NSD2: variants seen among roughly 807,000 people sequenced by gnomAD.
The protein encoded by NSD2 is nuclear receptor binding SET domain protein 2.
NSD2 carries 12 observed loss-of-function variants against 139.0 expected under a neutral mutation model. The observed-to-expected ratio is 0.09, with a 90% CI of 0.06 to 0.14. The LOEUF (loss-of-function observed/expected upper bound fraction) is 0.14, where lower values mean the gene tolerates loss of function less well. NSD2 is among the 10% of genes least tolerant of loss of function. NSD2 has a pLI of 1.00. For missense variants in NSD2, 1,155 were observed against 1,745.0 expected (o/e 0.66, Z 6.02); for synonymous variants, 669 against 648.7 (o/e 1.03, Z -0.48).
chr4:1,946,849 A>T (rs757502678), intron 9 of NSD2: 2 of 1,057,926 alleles, frequency 1.9e-6, no homozygotes, highest in Non-Finnish European at 2.3e-6. Context: ...GACAGGCCTC[A>T]TCTTTTTGGT....
chr4:1,975,841 C>T (rs1727017489), intron 20 of NSD2, among the ~76,000 whole-genome samples: 1 of 152,204 alleles, frequency 6.6e-6, no homozygotes, highest in South Asian at 2.1e-4. Flanking sequence ...TGACTTAGCG[C>T]CTGCCCTGCT....
intron 3 of NSD2, among the ~76,000 whole-genome samples, chr4:1,911,200 T>A (rs1718610351): frequency 1.3e-5 from 2 of 152,196 alleles, no homozygotes; most frequent in South Asian, 4.1e-4. Flanking sequence ...CCAGGACTGT[T>A]AGTAGAAGCC....
At position 1,948,379 on chromosome 4, in the gene NSD2, C is replaced by T. The variant is rs527484574; in HGVS notation, c.1882-2693C>T. On this transcript the variant is annotated intron_variant, in intron 9 of 21. Transcript: ENST00000508803. This position sits in a 1 kb window ranked among gnomAD's most constrained non-coding sequence, Gnocchi z 4.5. Reference sequence around the variant, plus strand: ...CGTACAGGTGAATGTGCCACCTCCACAAATGGCTTCTCCGAGTGAGTCACG... The same window carrying T: ...CGTACAGGTGAATGTGCCACCTCCATAAATGGCTTCTCCGAGTGAGTCACG... The T allele has an allele frequency of 1.5e-5, 16 of 1,066,332 alleles. No homozygotes were observed. The highest frequency in any genetic ancestry group is 1.8e-5 in the Non-Finnish European group (16 of 878,962). 66.1% of individuals were successfully genotyped at this position (1,066,332 alleles called of 1,614,324 possible). A position where few individuals can be genotyped will look rare whatever the true frequency, so the allele number is the denominator to read the frequency against.
rs1247770794 is a variant in NSD2 at position 1,972,687 on chromosome 4, A to G, written c.3373-2176A>G. 1.3e-5 allele frequency among the ~76,000 whole-genome samples: 2 copies of G among 152,220 alleles called. No individual in the cohort carries two copies. The highest frequency in any genetic ancestry group is 1.5e-5 in the Non-Finnish European group (1 of 68,046). On this transcript the variant is annotated intron_variant, in intron 18 of 21. Coordinates refer to ENST00000508803, the MANE Select transcript of NSD2 (RefSeq NM_001042424.3). The surrounding 1 kb of genome is among the most constrained non-coding windows in gnomAD (Gnocchi z 4.0). ...GCTAGGAGTGGGGGAGATGCATTTT[A>G]TAATCTGTGTGGTGGGAAAAGCTGC...
intron 1 of NSD2, among the ~76,000 whole-genome samples, chr4:1,895,931 GA>G (rs1378911866): frequency 6.6e-6 from 1 of 152,232 alleles, no homozygotes; most frequent in African/African-American, 2.4e-5. Context: ...AGGTGATGAT[GA>G]CAGCACTGTG....
chr4:1,880,991 C>G (rs1287660206), intron 1 of NSD2, among the ~76,000 whole-genome samples: 1 of 152,036 alleles, frequency 6.6e-6, no homozygotes, highest in Non-Finnish European at 1.5e-5. Context: ...TAATTCCTCC[C>G]TTTTAGAGGT....
In NSD2 at chr4:1,958,903, C is replaced by T. The variant is rs1394017797; in HGVS notation, c.2986-568C>T. On this transcript the variant is annotated intron_variant, in intron 16 of 21. Transcript: ENST00000508803. This position sits in a 1 kb window ranked among gnomAD's most constrained non-coding sequence, Gnocchi z 4.6. ...CTTCCCTAAGATTATGCATTTCTAC[C>T]CCAGCTGATTTTCAGCTGTCTCTAC... Among the ~76,000 whole-genome samples the T allele has an allele frequency of 6.6e-6, 1 of 152,132 alleles. No individual in the cohort carries two copies. Among genetic ancestry groups the T allele is most frequent in the Middle Eastern group, 3.2e-3 (1 of 316 alleles).
intron 18 of NSD2, among the ~76,000 whole-genome samples, chr4:1,961,673 T>C (rs1180735308): frequency 6.6e-6 from 1 of 152,180 alleles, no homozygotes; most frequent in African/African-American, 2.4e-5. Flanking sequence ...TGTGTAAAAG[T>C]GGGCATGGAT....
At chr4:1,950,454 TATC>T (rs1232091448) in intron 9 of NSD2, among the ~76,000 whole-genome samples, 1 of 152,152 alleles carries the variant, frequency 6.6e-6, no homozygotes, top group Non-Finnish European at 1.5e-5. Flanking sequence ...AACTGTGAAA[TATC>T]AGGACAAATA....
At chr4:1,872,592 G>GAGAGAGAGAGAGAGAGAC (rs1713911258) in intron 1 of NSD2, among the ~76,000 whole-genome samples, 1 of 21,998 alleles carries the variant, frequency 4.5e-5, no homozygotes, top group East Asian at 9.7e-4. Context: ...GTGTGTGTGT[G>GAGAGAGAGAGAGAGAGAC]AGAGAGAGAG....
In NSD2 at chr4:1,942,154, A is replaced by G. The variant is rs1484294860; in HGVS notation, c.1881+2376A>G. On this transcript the variant is annotated intron_variant, in intron 9 of 21. Transcript: ENST00000508803. This position sits in a 1 kb window ranked among gnomAD's most constrained non-coding sequence, Gnocchi z 4.0. ...TTGAAAAAGGTATATGTGATAAATA[A>G]AAATTTTTATTGGAATAATTATTAC... 5 of 1,298,914 alleles carry G rather than the reference A, an allele frequency of 3.8e-6. No individual in the cohort carries two copies. The African/African-American group carries it at 7.5e-5, about 19-fold the overall frequency. The allele number at this position is 1,298,914 out of a possible 1,614,324, so 80.5% of individuals were successfully genotyped here. A position where few individuals can be genotyped will look rare whatever the true frequency, so the allele number is the denominator to read the frequency against.
intron 5 of NSD2, among the ~76,000 whole-genome samples, chr4:1,925,774 T>A (rs410630): frequency 0.84 from 125,268 of 149,694 alleles, 52,051 homozygotes; most frequent in East Asian, 0.94. Context: ...ATATATATAT[T>A]TTTTTTTGTT....
In NSD2 at chr4:1,976,029, G is replaced by C. The variant is rs906411704; in HGVS notation, c.3622-446G>C. 2.6e-5 allele frequency among the ~76,000 whole-genome samples: 4 copies of C among 152,310 alleles called. No individual in the cohort carries two copies. Among genetic ancestry groups the C allele is most frequent in the Admixed American group, 6.5e-5 (1 of 15,298 alleles). ...GTGGCACCAGCTCGGCCCTGAGCCG[G>C]TGTCTGTCCTCAGCCGTGTTGCTGA... On this transcript the variant is annotated intron_variant, in intron 20 of 21. Coordinates refer to ENST00000508803, the MANE Select transcript of NSD2 (RefSeq NM_001042424.3). This position sits in a 1 kb window ranked among gnomAD's most constrained non-coding sequence, Gnocchi z 5.3.
In NSD2 at chr4:1,951,110, A is replaced by C; in HGVS notation, c.1920A>C (p.Pro640=). The change falls in exon 10 of 22, where the codon CCA becomes CCC. Residue 640 remains proline, a synonymous_variant. Coordinates refer to ENST00000508803, the MANE Select transcript of NSD2 (RefSeq NM_001042424.3). ...CGGGAGACGAGCCCTCGGAGTCCCC[A>C]TACGAAAGTGCAGACGAAACACAAA... The part of the protein sequence containing the change: ...DSPGDEPSES[P]YESADETQTE... The C allele has an allele frequency of 6.2e-7, 1 of 1,614,194 alleles. No individual in the cohort carries two copies. The highest frequency in any genetic ancestry group is 1.1e-5 in the South Asian group (1 of 91,086).
At chr4:1,944,643 G>C in intron 9 of NSD2, 1 of 1,063,100 alleles carries the variant, frequency 9.4e-7, no homozygotes, top group South Asian at 4.6e-5. Flanking sequence ...GTACTCCATT[G>C]TAATAGGGTG....
rs571275268 is a variant in NSD2, at chr4:1,918,682, A to G, written c.1410+59A>G. On this transcript the variant is annotated intron_variant, in intron 5 of 21. Transcript: ENST00000508803. ...TTCAGAATTTGAGGAACATCCCTTC[A>G]GTGCAGAATCATCTGTTTCTCAGCA... 3.8e-6 allele frequency: 6 copies of G among 1,582,752 alleles called. No individual in the cohort carries two copies. The African/African-American group carries it at 5.4e-5, about 14-fold the overall frequency.
chr4:1,929,215 C>T (rs1201626499), intron 5 of NSD2, among the ~76,000 whole-genome samples: 4 of 151,846 alleles, frequency 2.6e-5, no homozygotes, highest in Non-Finnish European at 1.5e-5. Flanking sequence ...CAACAAGAGC[C>T]TCCCATGGTG....
chr4:1,907,540 A>G (rs1203689570), intron 3 of NSD2, among the ~76,000 whole-genome samples: 1 of 152,008 alleles, frequency 6.6e-6, no homozygotes, highest in Non-Finnish European at 1.5e-5. Context: ...AAGTCAAAGT[A>G]AAACAGCACA....
intron 2 of NSD2, among the ~76,000 whole-genome samples, 189 bp downstream of exon 2, chr4:1,901,440 T>G (rs1373794152): frequency 6.6e-6 from 1 of 152,290 alleles, no homozygotes; most frequent in Admixed American, 6.5e-5. Flanking sequence ...CACTGCCTCC[T>G]CAGTTCTCAG....
Sources: gnomAD v4.1 joint callset for allele counts (sites outside exome capture counted in the v4.1 genomes callset) on GRCh38, gnomAD v4.1.1 for gene constraint, Gnocchi (gnomAD v3.1) non-coding constraint, MANE v1.5 for transcripts, NCBI Gene and HGNC (gene_info 2026-07-23, HGNC 2026-07-21) for gene names.